Variants in FBXO22 observed in about 807,000 individuals in gnomAD.
The protein encoded by FBXO22 is F-box only protein 22.
FBXO22 carries 13 observed loss-of-function variants against 37.2 expected under a neutral mutation model. The observed-to-expected ratio is 0.35, with a 90% CI of 0.23 to 0.56. FBXO22 has a LOEUF of 0.56. Ranked by LOEUF, FBXO22 falls within the 20% of genes least tolerant of loss-of-function variation. The pLI is 0.87. For synonymous variants in FBXO22, 189 were observed against 189.1 expected (o/e 1.00, Z 0.00); for missense variants, 446 against 509.9 (o/e 0.87, Z 1.21).
At position 75,936,100 on chromosome 15, in the gene FBXO22, C is replaced by G. The variant is rs1227615177; in HGVS notation, c.*2998C>G. 6.6e-6 allele frequency: 1 copy of G among 152,092 alleles called. No individual in the cohort carries two copies. The highest frequency in any genetic ancestry group is 1.5e-5 in the Non-Finnish European group (1 of 67,982). The allele number at this position is 152,092 out of a possible 1,614,324, so 9.4% of individuals were successfully genotyped here. On this transcript the variant is annotated 3_prime_UTR_variant, in exon 7 of 7. Transcript: ENST00000308275. ...CTGCGCCCAGCCACAAATCTGAGAA[C>G]TTTCTATGCAATCTGCAGAAATTTT...
intron 5 of FBXO22, among the ~76,000 whole-genome samples, chr15:75,919,568 T>C (rs1295049798): frequency 6.6e-6 from 1 of 152,208 alleles, no homozygotes; most frequent in East Asian, 1.9e-4. Context: ...ATTTTCCTCA[T>C]CTATAAAGTG....
Position 75,932,863 on chromosome 15 carries a change from G to T in FBXO22, c.973G>T (p.Ala325Ser). 1 of 1,614,270 alleles carries T rather than the reference G, an allele frequency of 6.2e-7. No homozygotes were observed. Among genetic ancestry groups the T allele is most frequent in the Non-Finnish European group, 8.5e-7 (1 of 1,180,050 alleles). Residue 325 changes from alanine (A) to serine (S), a missense_variant, in exon 7 of 7, where the codon GCA (alanine) becomes TCA (serine). Physicochemically the swap from Ala to Ser is moderately conservative, Grantham distance 99. This residue lies in a region of FBXO22 where 315 missense variants were observed against 410.1 expected (regional missense o/e 0.77). Transcript: ENST00000308275. The stretch of plus-strand genomic sequence containing the variant: ...GCATAACACCATTGGCTTCATGTTT[G>T]CATGCGTTGGCAGGGGCTTTCAGTA... ...PEHNTIGFMF[A>S]CVGRGFQYYR... is the part of the protein sequence containing the mutation.
intron 2 of FBXO22, among the ~76,000 whole-genome samples, chr15:75,906,119 C>T (rs1899924741): frequency 6.6e-6 from 1 of 152,138 alleles, no homozygotes; most frequent in Non-Finnish European, 1.5e-5. Flanking sequence ...GTAGGAGCTC[C>T]TTCAGGCTGG....
At chr15:75,909,385 A>G (rs1352241341) in intron 2 of FBXO22, among the ~76,000 whole-genome samples, 1 of 152,206 alleles carries the variant, frequency 6.6e-6, no homozygotes, top group African/African-American at 2.4e-5. Context: ...TGTCTGGATA[A>G]TATTAATAGT....
chr15:75,922,039 T>G (rs2141717578), intron 5 of FBXO22, among the ~76,000 whole-genome samples: 2 of 152,260 alleles, frequency 1.3e-5, no homozygotes, highest in African/African-American at 4.8e-5. Context: ...AAAATTACAA[T>G]TAAAAGTATA....
rs184042146 is a variant in FBXO22 at position 75,922,456 on chromosome 15, G to A, written c.628+5062G>A. 1.3e-4 allele frequency among the ~76,000 whole-genome samples: 20 copies of A among 152,326 alleles called. No individual in the cohort carries two copies. In the East Asian group the frequency reaches 3.9e-3, roughly 29 times the overall value. On this transcript the variant is annotated intron_variant, in intron 5 of 6. Transcript: ENST00000308275. ...AGCAGGTGGTATTTAAGCCCTTGAA[G>A]GATGGGAAGCATATGAGAGATATGG...
chr15:75,917,559 A>G (rs1900218315), intron 5 of FBXO22, among the ~76,000 whole-genome samples, 165 bp downstream of exon 5: 1 of 152,226 alleles, frequency 6.6e-6, no homozygotes, highest in East Asian at 1.9e-4. Context: ...CACAGAGGCC[A>G]GTGTGATACA....
intron 4 of FBXO22, among the ~76,000 whole-genome samples, chr15:75,916,436 C>T (rs1290274131): frequency 6.6e-6 from 1 of 152,204 alleles, no homozygotes; most frequent in Non-Finnish European, 1.5e-5. Context: ...TTTCTTCATA[C>T]ATAAGCATGC....
chr15:75,916,728 C>A (rs899179959), intron 4 of FBXO22, among the ~76,000 whole-genome samples: 1 of 151,978 alleles, frequency 6.6e-6, no homozygotes, highest in Non-Finnish European at 1.5e-5. Context: ...TTCTATGATA[C>A]CAATGTAACT....
chr15:75,926,854 T>C (rs985044580), intron 5 of FBXO22, among the ~76,000 whole-genome samples: 2 of 152,234 alleles, frequency 1.3e-5, no homozygotes, highest in Non-Finnish European at 2.9e-5. Flanking sequence ...AAGAACCATT[T>C]ATGCAGATGT....
rs1311651600 is a variant in FBXO22 at position 75,940,823 on chromosome 15, TAACTC to T, written c.*7724_*7728del. On this transcript the variant is annotated 3_prime_UTR_variant, in exon 7 of 7. Transcript: ENST00000308275. Reference sequence around the variant, plus strand: ...TGCAACCTCACTCATTTGCAAAAATTAACTCAAAATGGACCAAAGACCTAAATGTG... The same window carrying T: ...TGCAACCTCACTCATTTGCAAAAATTAAAATGGACCAAAGACCTAAATGTG... 5.3e-5 allele frequency: 8 copies of T among 152,074 alleles called. No individual in the cohort carries two copies. The highest frequency in any genetic ancestry group is 1.7e-4 in the African/African-American group (7 of 41,430). The allele number at this position is 152,074 out of a possible 1,614,324, so 9.4% of individuals were successfully genotyped here. A position where few individuals can be genotyped will look rare whatever the true frequency, so the allele number is the denominator to read the frequency against.
In FBXO22 at chr15:75,938,804, G is replaced by GTAGT. The variant is rs1367940481; in HGVS notation, c.*5706_*5709dup. On this transcript the variant is annotated 3_prime_UTR_variant, in exon 7 of 7. Coordinates refer to ENST00000308275, the MANE Select transcript of FBXO22 (RefSeq NM_147188.3). ...GTGCATTTTTGAACCACAACAGGAT[G>GTAGT]TAGTTAGAAATCAGTAACAAAAGGA... The GTAGT allele has an allele frequency of 2.6e-5, 4 of 152,160 alleles. No individual in the cohort carries two copies. Among genetic ancestry groups the GTAGT allele is most frequent in the Non-Finnish European group, 2.9e-5 (2 of 68,032 alleles). 9.4% of individuals were successfully genotyped at this position (152,160 alleles called of 1,614,324 possible). A position where few individuals can be genotyped will look rare whatever the true frequency, so the allele number is the denominator to read the frequency against.
At chr15:75,906,092 A>G (rs1899923738) in intron 2 of FBXO22, among the ~76,000 whole-genome samples, 1 of 151,426 alleles carries the variant, frequency 6.6e-6, no homozygotes, top group Non-Finnish European at 1.5e-5. Flanking sequence ...TACCCCTCTC[A>G]CCCCCTAGTT....
At position 75,933,079 on chromosome 15, in the gene FBXO22, A is replaced by G. The variant is rs759516928; in HGVS notation, c.1189A>G (p.Ile397Val). The G allele has an allele frequency of 6.2e-7, 1 of 1,613,000 alleles. No homozygotes were observed. The highest frequency in any genetic ancestry group is 8.5e-7 in the Non-Finnish European group (1 of 1,179,318). The change falls in exon 7 of 7, where the codon ATA (isoleucine) becomes GTA (valine). Residue 397 changes from isoleucine to valine, a missense_variant. By Grantham distance (29) the Ile-to-Val change is conservative. Around this residue, in one of 2 missense-constraint regions of FBXO22, gnomAD observed 315 missense variants for 410.1 expected, o/e 0.77. Coordinates refer to ENST00000308275, the MANE Select transcript of FBXO22 (RefSeq NM_147188.3). ...TAGCTATACAACAATAATGGCACTCATACATCTGGGGTCATCTAAATAATA... is the reference window on the plus strand; with the variant it reads ...TAGCTATACAACAATAATGGCACTCGTACATCTGGGGTCATCTAAATAATA... ...FHSYTTIMAL[I>V]HLGSSK
rs1263222993 is a variant in FBXO22 at position 75,939,746 on chromosome 15, T to C, written c.*6644T>C. 3 of 152,086 alleles carry C rather than the reference T, an allele frequency of 2.0e-5. No homozygotes were observed. Among genetic ancestry groups the C allele is most frequent in the Non-Finnish European group, 4.4e-5 (3 of 67,972 alleles). The allele number at this position is 152,086 out of a possible 1,614,324, so 9.4% of individuals were successfully genotyped here. A position where few individuals can be genotyped will look rare whatever the true frequency, so the allele number is the denominator to read the frequency against. On this transcript the variant is annotated 3_prime_UTR_variant, in exon 7 of 7. Coordinates refer to ENST00000308275, the MANE Select transcript of FBXO22 (RefSeq NM_147188.3). The stretch of plus-strand genomic sequence containing the variant: ...ATTGTTCAACATACAAAAATCAATA[T>C]AATATACTACATTAACAGAACGAAG...
At chr15:75,930,815 C>G (rs1029673107) in intron 6 of FBXO22, 1 of 985,276 alleles carries the variant, frequency 1.0e-6, no homozygotes, top group African/African-American at 1.7e-5. Context: ...GTTTCCCACT[C>G]TGTTTAATAT....
chr15:75,932,927 GAA>G lies in FBXO22; in HGVS notation c.1039_1040del (p.Lys347ValfsTer4). ...GGGAATGTTGAGGCTGATGCATTTAGAAAGTTTTTTCCTAGTGTTCCCTTATT... is the reference window on the plus strand; with the variant it reads ...GGGAATGTTGAGGCTGATGCATTTAGAGTTTTTTCCTAGTGTTCCCTTATT... On this transcript the variant is annotated frameshift_variant, in exon 7 of 7. Transcript: ENST00000308275. LOFTEE classifies it high-confidence loss of function. 6.2e-7 allele frequency: 1 copy of G among 1,614,262 alleles called. No individual in the cohort carries two copies. Among genetic ancestry groups the G allele is most frequent in the South Asian group, 1.1e-5 (1 of 91,082 alleles).
Position 75,942,076 on chromosome 15 carries a change from G to A in FBXO22, c.*8974G>A, listed in dbSNP as rs1234871787. The stretch of plus-strand genomic sequence containing the variant: ...TAAGTGAAAGAAGTTAGTCTGAAAG[G>A]CTACATACTACATGATTTCAAATAT... On this transcript the variant is annotated 3_prime_UTR_variant, in exon 7 of 7. Transcript: ENST00000308275. The A allele has an allele frequency of 6.6e-6, 1 of 151,254 alleles. No individual in the cohort carries two copies. The highest frequency in any genetic ancestry group is 1.5e-5 in the Non-Finnish European group (1 of 67,870). 9.4% of individuals were successfully genotyped at this position (151,254 alleles called of 1,614,324 possible).
chr15:75,906,586 T>C (rs1421809545), intron 2 of FBXO22, among the ~76,000 whole-genome samples: 2 of 152,192 alleles, frequency 1.3e-5, no homozygotes, highest in African/African-American at 4.8e-5. Context: ...TTAATGTATT[T>C]AGATATTACA....
Sources: allele counts gnomAD v4.1 joint callset (sites outside exome capture counted in the v4.1 genomes callset), GRCh38; gene constraint gnomAD v4.1.1; regional missense constraint gnomAD v4.1.1; transcripts MANE v1.5; gene names NCBI Gene and HGNC (gene_info 2026-07-23, HGNC 2026-07-21).